Variants in CHRM5 observed in about 807,000 individuals in gnomAD.
CHRM5 encodes the protein muscarinic acetylcholine receptor M5.
CHRM5 carries 18 observed loss-of-function variants against 39.0 expected under a neutral mutation model. The ratio of observed to expected loss-of-function variants is 0.46; its 90% confidence interval spans 0.32 to 0.68. CHRM5 has a LOEUF of 0.68. Among genes scored for constraint, CHRM5 ranks in the 30% least tolerant of loss-of-function variants. The pLI is 0.04. For missense variants in CHRM5, 515 were observed against 651.1 expected (o/e 0.79, Z 2.28); for synonymous variants, 241 against 246.3 (o/e 0.98, Z 0.20).
At chr15:34,010,646 T>C (rs984624380) in intron 1 of CHRM5, among the ~76,000 whole-genome samples, 2 of 152,130 alleles carry the variant, frequency 1.3e-5, no homozygotes, top group Non-Finnish European at 2.9e-5. Context: ...TAGAGGTGAA[T>C]AGGTAGAATA....
At chr15:34,004,971 TA>T (rs1040589941) in intron 1 of CHRM5, among the ~76,000 whole-genome samples, 1 of 146,238 alleles carries the variant, frequency 6.8e-6, no homozygotes, top group African/African-American at 2.5e-5. Flanking sequence ...AGTGTGGACT[TA>T]AAAAAAATAA....
intron 1 of CHRM5, among the ~76,000 whole-genome samples, chr15:34,031,862 T>C (rs1898852385): frequency 6.6e-6 from 1 of 152,124 alleles, no homozygotes; most frequent in Non-Finnish European, 1.5e-5. Context: ...CAAAACCCAC[T>C]CAAAAGTGAA....
chr15:33,997,428 G>A (rs1219615622), intron 1 of CHRM5, among the ~76,000 whole-genome samples: 4 of 152,042 alleles, frequency 2.6e-5, no homozygotes, highest in Admixed American at 1.3e-4. Flanking sequence ...AATAACTAAG[G>A]AAATGTAAAC....
At chr15:34,042,422 C>T (rs920158497) in intron 1 of CHRM5, among the ~76,000 whole-genome samples, 3 of 123,578 alleles carry the variant, frequency 2.4e-5, no homozygotes, top group African/African-American at 3.2e-5. Flanking sequence ...TTTTTTGAGA[C>T]GGAGTTTCGC....
At chr15:33,975,313 C>T (rs1191948955) in intron 1 of CHRM5, among the ~76,000 whole-genome samples, 1 of 152,180 alleles carries the variant, frequency 6.6e-6, no homozygotes, top group Non-Finnish European at 1.5e-5. Flanking sequence ...CCTAAAACTC[C>T]TGGTATATGT....
chr15:34,051,366 C>T (rs1197777031), intron 2 of CHRM5, among the ~76,000 whole-genome samples: 1 of 152,144 alleles, frequency 6.6e-6, no homozygotes, highest in Non-Finnish European at 1.5e-5. Flanking sequence ...ATTTATAGCA[C>T]TAAATGCTTA....
At chr15:34,019,395 GTTT>G (rs1315765632) in intron 1 of CHRM5, among the ~76,000 whole-genome samples, 1 of 152,096 alleles carries the variant, frequency 6.6e-6, no homozygotes, top group African/African-American at 2.4e-5. Context: ...ATATTTAAAA[GTTT>G]ATAAAGTAAG....
At chr15:34,033,242 A>G (rs2140770558) in intron 1 of CHRM5, among the ~76,000 whole-genome samples, 1 of 152,310 alleles carries the variant, frequency 6.6e-6, no homozygotes, top group Admixed American at 6.5e-5. Context: ...GCGGTGGCTC[A>G]TGTCTGTAAT....
rs540448505 is a variant in CHRM5, at chr15:33,981,291, T to C, written c.-408+12141T>C. On this transcript the variant is annotated intron_variant, in intron 1 of 2. Transcript: ENST00000383263. ...CATAATTATCTTTTTGCTTGAGTTATTAGCAGTCAAGAAAAACTCATTTGC... is the reference window on the plus strand; with the variant it reads ...CATAATTATCTTTTTGCTTGAGTTACTAGCAGTCAAGAAAAACTCATTTGC... 1.5e-4 allele frequency among the ~76,000 whole-genome samples: 23 copies of C among 152,338 alleles called. No homozygotes were observed. The South Asian group carries it at 4.3e-3, about 29-fold the overall frequency.
At chr15:34,060,678 C>T (rs1469260556) in intron 2 of CHRM5, among the ~76,000 whole-genome samples, 1 of 152,170 alleles carries the variant, frequency 6.6e-6, no homozygotes, top group East Asian at 1.9e-4. Context: ...GAGTTCGAGA[C>T]CAGTCTGGCC....
rs576442780 is a variant in CHRM5, at chr15:34,062,054, T to C, written c.-75-589T>C. 8.5e-5 allele frequency among the ~76,000 whole-genome samples: 13 copies of C among 152,262 alleles called. No individual in the cohort carries two copies. The South Asian group carries it at 2.7e-3, about 32-fold the overall frequency. ...TTTACTGCTTCTCAACAATCCATTTTTTTTCCTTTCCCTTCACCCTCCTCG... is the reference window on the plus strand; with the variant it reads ...TTTACTGCTTCTCAACAATCCATTTCTTTTCCTTTCCCTTCACCCTCCTCG... On this transcript the variant is annotated intron_variant, in intron 2 of 2. Transcript: ENST00000383263.
intron 2 of CHRM5, among the ~76,000 whole-genome samples, chr15:34,052,465 C>T (rs1445657529): frequency 6.6e-6 from 1 of 152,310 alleles, no homozygotes; most frequent in East Asian, 1.9e-4. Flanking sequence ...CTTACCACTC[C>T]TATTCAACAT....
chr15:34,034,593 C>T (rs1240939559), intron 1 of CHRM5, among the ~76,000 whole-genome samples: 1 of 151,928 alleles, frequency 6.6e-6, no homozygotes, highest in Non-Finnish European at 1.5e-5. Flanking sequence ...CTTTAAAGTA[C>T]ATTGTACATG....
intron 1 of CHRM5, among the ~76,000 whole-genome samples, chr15:34,006,127 T>C (rs980319994): frequency 1.3e-5 from 2 of 152,208 alleles, no homozygotes; most frequent in Non-Finnish European, 2.9e-5. Context: ...CTGGCTAACA[T>C]GGTGAAACCC....
intron 2 of CHRM5, among the ~76,000 whole-genome samples, chr15:34,056,833 C>T (rs935007452): frequency 1.3e-5 from 2 of 152,098 alleles, no homozygotes; most frequent in African/African-American, 4.8e-5. Context: ...GAGTTCAAGG[C>T]CAGCCTGAGC....
intron 1 of CHRM5, among the ~76,000 whole-genome samples, chr15:34,006,843 T>G (rs1897373139): frequency 6.6e-6 from 1 of 152,206 alleles, no homozygotes; most frequent in South Asian, 2.1e-4. Flanking sequence ...AAGATGTATC[T>G]TAAAAACTAG....
intron 1 of CHRM5, among the ~76,000 whole-genome samples, chr15:34,038,597 C>A (rs1040588828): frequency 1.4e-5 from 2 of 140,816 alleles, no homozygotes. Context: ...AAGCGCATAC[C>A]CAGGCGCGCC....
chr15:34,013,786 C>T (rs528496333), intron 1 of CHRM5, among the ~76,000 whole-genome samples: 109 of 152,224 alleles, frequency 7.2e-4, no homozygotes, highest in African/African-American at 2.5e-3. Context: ...GCTTGTGAGC[C>T]AGTGGGAAGC....
chr15:33,997,785 C>G (rs908348351), intron 1 of CHRM5, among the ~76,000 whole-genome samples: 1 of 152,086 alleles, frequency 6.6e-6, no homozygotes, highest in African/African-American at 2.4e-5. Flanking sequence ...ATTTGCTCTG[C>G]TAAACTGTAA....
Sources: gnomAD v4.1 joint callset for allele counts (sites outside exome capture counted in the v4.1 genomes callset) on GRCh38, gnomAD v4.1.1 for gene constraint, MANE v1.5 for transcripts, NCBI Gene and HGNC (gene_info 2026-07-23, HGNC 2026-07-21) for gene names.